The following RBFOX1 variants were observed in gnomAD, a reference collection of about 807,000 sequenced individuals.
RBFOX1 encodes the protein RNA binding fox-1 homolog 1, also known as RNA binding protein fox-1 homolog 1.
In RBFOX1, 8 loss-of-function variants were observed where a neutral mutation model predicts 57.7. That is an observed-to-expected ratio of 0.14 (90% CI 0.08 to 0.25). RBFOX1 has a LOEUF of 0.25. RBFOX1 is among the 10% of genes least tolerant of loss of function. The pLI is 1.00. For synonymous variants in RBFOX1, 326 were observed against 222.4 expected (o/e 1.47, Z -4.15); for missense variants, 611 against 548.5 (o/e 1.11, Z -1.14).
intron 1 of RBFOX1, among the ~76,000 whole-genome samples, chr16:6,199,756 T>C (rs1194782668): frequency 6.6e-6 from 1 of 152,198 alleles, no homozygotes; most frequent in Non-Finnish European, 1.5e-5. Context: ...TAGAACTTTA[T>C]AGACAGGGGC....
intron 2 of RBFOX1, among the ~76,000 whole-genome samples, chr16:5,549,271 T>A (rs1178298154): frequency 6.6e-6 from 1 of 152,182 alleles, no homozygotes; most frequent in Non-Finnish European, 1.5e-5. Flanking sequence ...CTGCAGATAC[T>A]TCTGTCTGTC....
intron 4 of RBFOX1, among the ~76,000 whole-genome samples, chr16:7,236,556 C>G (rs917769625): frequency 3.3e-5 from 5 of 152,174 alleles, no homozygotes; most frequent in African/African-American, 1.2e-4. Context: ...TTGGTAATTA[C>G]TGTCAGATGA....
chr16:7,705,852 G>A (rs1445760612), intron 14 of RBFOX1, among the ~76,000 whole-genome samples: 1 of 152,172 alleles, frequency 6.6e-6, no homozygotes, highest in Non-Finnish European at 1.5e-5. Flanking sequence ...TGGACACATT[G>A]AAGATTTCTT....
rs1567708154 is a variant in RBFOX1, at chr16:6,220,729, C to CA, written c.-126-96266_-126-96265insA. Among the ~76,000 whole-genome samples, 17 of 90,652 alleles carry CA rather than the reference C, an allele frequency of 1.9e-4. No homozygotes were observed. The East Asian group carries it at 3.5e-3, about 19-fold the overall frequency. The allele number at this position is 90,652 out of a possible 152,430, so 59.5% of individuals were successfully genotyped here. A position where few individuals can be genotyped will look rare whatever the true frequency, so the allele number is the denominator to read the frequency against. On this transcript the variant is annotated intron_variant, in intron 1 of 15. Transcript: ENST00000550418. Reference sequence around the variant, plus strand: ...ATAATGCTATGACTAACCGCCCCCCCCCAGTGGAAAATAATGAAGAAAACA... The same window carrying CA: ...ATAATGCTATGACTAACCGCCCCCCCACCAGTGGAAAATAATGAAGAAAACA...
intron 3 of RBFOX1, among the ~76,000 whole-genome samples, chr16:6,977,083 C>G (rs9924960): frequency 7.3e-6 from 1 of 137,014 alleles, no homozygotes; most frequent in Non-Finnish European, 1.6e-5. Context: ...CATATATGAT[C>G]TATATTTTAT....
At chr16:5,853,553 GT>G (rs1236972677) in intron 3 of RBFOX1, among the ~76,000 whole-genome samples, 4 of 152,162 alleles carry the variant, frequency 2.6e-5, no homozygotes, top group Non-Finnish European at 4.4e-5. Flanking sequence ...TCTCTTGACG[GT>G]TACATGCCTT....
chr16:7,368,342 G>A (rs1368480896), intron 4 of RBFOX1, among the ~76,000 whole-genome samples: 2 of 151,798 alleles, frequency 1.3e-5, no homozygotes, highest in Admixed American at 6.6e-5. Flanking sequence ...CCATTTTGGG[G>A]TTTCTTTCCC....
chr16:6,831,669 T>A (rs538984387), intron 3 of RBFOX1, among the ~76,000 whole-genome samples: 1 of 152,342 alleles, frequency 6.6e-6, no homozygotes, highest in South Asian at 2.1e-4. Context: ...ACAAAGATGA[T>A]AACTTGCAAC....
chr16:5,779,949 G>A (rs890082376), intron 3 of RBFOX1, among the ~76,000 whole-genome samples: 1 of 152,178 alleles, frequency 6.6e-6, no homozygotes, highest in Non-Finnish European at 1.5e-5. Flanking sequence ...TAATAAATGA[G>A]CTAAAATATG....
chr16:6,480,146 C>G (rs74688883), intron 2 of RBFOX1, among the ~76,000 whole-genome samples: 10,245 of 151,826 alleles, frequency 0.067, 1,132 homozygotes, highest in African/African-American at 0.23. Flanking sequence ...TAGTTTTTAC[C>G]TGAGTTTGAG....
intron 4 of RBFOX1, among the ~76,000 whole-genome samples, chr16:5,898,657 G>C (rs1342705046): frequency 2.0e-5 from 3 of 152,006 alleles, no homozygotes; most frequent in Non-Finnish European, 4.4e-5. Context: ...AATTACCCAG[G>C]TAGTGAGTGG....
intron 4 of RBFOX1, among the ~76,000 whole-genome samples, chr16:5,891,274 G>A (rs1209629926): frequency 6.6e-6 from 1 of 152,194 alleles, no homozygotes; most frequent in Non-Finnish European, 1.5e-5. Context: ...CACGGGAGGA[G>A]CTGTCGGATG....
intron 14 of RBFOX1, among the ~76,000 whole-genome samples, chr16:7,697,540 G>A (rs1053185476): frequency 2.0e-5 from 3 of 152,044 alleles, no homozygotes; most frequent in African/African-American, 7.3e-5. Context: ...TATAATGCAT[G>A]CATATGTATG....
intron 1 of RBFOX1, among the ~76,000 whole-genome samples, chr16:6,142,833 A>AATGTTTGACAGAGAATG (rs1440728583): frequency 1.3e-5 from 2 of 152,068 alleles, no homozygotes; most frequent in Non-Finnish European, 2.9e-5. Context: ...TTGTTTGTAG[A>AATGTTTGACAGAGAATG]TCGTCTCTGT....
intron 8 of RBFOX1, among the ~76,000 whole-genome samples, chr16:7,595,868 G>A (rs145426233): frequency 4.0e-5 from 6 of 150,380 alleles, no homozygotes; most frequent in African/African-American, 1.2e-4. Context: ...GATGGCAAAC[G>A]TGAGACAAAA....
At chr16:6,370,035 G>C (rs749085584) in intron 2 of RBFOX1, among the ~76,000 whole-genome samples, 1 of 152,186 alleles carries the variant, frequency 6.6e-6, no homozygotes, top group African/African-American at 2.4e-5. Flanking sequence ...GTCTTGCTTG[G>C]TCTTTTATGA....
intron 6 of RBFOX1, 31 bp downstream of exon 6, chr16:7,579,951 C>T (rs28614162): frequency 0.012 from 19,134 of 1,609,140 alleles, 136 homozygotes; most frequent in Non-Finnish European, 0.014. Flanking sequence ...CAGCAGTGCC[C>T]GCTCTGGGGG....
chr16:7,060,772 T>C (rs1384219769), intron 4 of RBFOX1, among the ~76,000 whole-genome samples: 2 of 152,218 alleles, frequency 1.3e-5, no homozygotes, highest in Non-Finnish European at 2.9e-5. Flanking sequence ...TGTTCGGCTG[T>C]TCCAGAATTC....
chr16:7,480,036 C>G (rs911160112), intron 4 of RBFOX1, among the ~76,000 whole-genome samples: 4 of 152,178 alleles, frequency 2.6e-5, no homozygotes, highest in Non-Finnish European at 4.4e-5. Context: ...TGTCCATGTG[C>G]TGACTCAGTA....
Sources: allele counts gnomAD v4.1 joint callset (sites outside exome capture counted in the v4.1 genomes callset), GRCh38; gene constraint gnomAD v4.1.1; transcripts MANE v1.5; gene names NCBI Gene and HGNC (gene_info 2026-07-23, HGNC 2026-07-21).